ADD1: variants seen among roughly 807,000 people sequenced by gnomAD.
ADD1 encodes adducin 1.
Under a neutral mutation model 80.5 loss-of-function variants are expected in ADD1, and 24 were observed. The observed-to-expected ratio is 0.30, with a 90% CI of 0.22 to 0.42. ADD1 has a LOEUF of 0.42. Ranked by LOEUF, ADD1 falls within the 10% of genes least tolerant of loss-of-function variation. The pLI, the probability that ADD1 is intolerant of heterozygous loss-of-function variation, is 1.00. For missense variants in ADD1, 948 were observed against 1,019.0 expected (o/e 0.93, Z 0.95); for synonymous variants, 373 against 393.8 (o/e 0.95, Z 0.63).
Position 2,881,933 on chromosome 4 carries a change from G to A in ADD1, c.231G>A (p.Glu77=). 2 of 1,608,440 alleles carry A rather than the reference G, an allele frequency of 1.2e-6. No individual in the cohort carries two copies. The highest frequency in any genetic ancestry group is 1.1e-5 in the South Asian group (1 of 89,562). Residue 77 remains glutamate (E), a synonymous_variant, in exon 3 of 16, where the codon GAG becomes GAA. Coordinates refer to ENST00000683351, the MANE Select transcript of ADD1 (RefSeq NM_001354761.2). ...AAGAATTGGAATCAATGATACAGGAGCAATTTAAGAAGGGGAAGAACCCCA... is the reference window on the plus strand; with the variant it reads ...AAGAATTGGAATCAATGATACAGGAACAATTTAAGAAGGGGAAGAACCCCA... The part of the protein sequence containing the change: ...FCEELESMIQ[E]QFKKGKNPTG...
Position 2,928,977 on chromosome 4 carries a change from G to C in ADD1, c.*454G>C, listed in dbSNP as rs1049203556. 2.2e-5 allele frequency: 4 copies of C among 179,170 alleles called. No individual in the cohort carries two copies. Among genetic ancestry groups the C allele is most frequent in the Non-Finnish European group, 2.3e-5 (2 of 87,522 alleles). 11.1% of individuals were successfully genotyped at this position (179,170 alleles called of 1,614,324 possible). ...CTTCATGTGGCATTCTCTCTGCTCA[G>C]TGATCTCACTTAAATCTATATACAA... On this transcript the variant is annotated 3_prime_UTR_variant, in exon 16 of 16. Transcript: ENST00000683351.
chr4:2,891,744 G>T (rs1383676237), intron 4 of ADD1, among the ~76,000 whole-genome samples: 1 of 152,186 alleles, frequency 6.6e-6, no homozygotes, highest in Non-Finnish European at 1.5e-5. Flanking sequence ...GCCAGTTCTT[G>T]GCAGAGCTAG....
At position 2,898,205 on chromosome 4, in the gene ADD1, C is replaced by T. The variant is rs752858644; in HGVS notation, c.763C>T (p.Leu255Phe). 2.5e-6 allele frequency: 4 copies of T among 1,613,818 alleles called. No individual in the cohort carries two copies. The South Asian group carries it at 4.4e-5, about 18-fold the overall frequency. ...GAAVSAMKCG[L>F]LPISPEALSL... ...CTAGGTCTCTGCAATGAAATGTGGC[C>T]TCTTGCCAATCTCCCCGGAGGCGCT... The change falls in exon 7 of 16, where the codon CTC (leucine) becomes TTC (phenylalanine). Residue 255 changes from leucine to phenylalanine, a missense_variant. Transcript: ENST00000683351.
chr4:2,879,205 G>A (rs959108473), intron 2 of ADD1, among the ~76,000 whole-genome samples: 2 of 152,156 alleles, frequency 1.3e-5, no homozygotes, highest in Non-Finnish European at 2.9e-5. Context: ...GGAGCCAAAC[G>A]TTAAGATCCA....
chr4:2,913,951 C>G (rs143955972), intron 13 of ADD1, among the ~76,000 whole-genome samples: 1 of 150,986 alleles, frequency 6.6e-6, no homozygotes, highest in Non-Finnish European at 1.5e-5. Flanking sequence ...CCCAGCTACT[C>G]GGGAGGCTGA....
intron 1 of ADD1, among the ~76,000 whole-genome samples, chr4:2,874,353 T>G (rs1238868969): frequency 6.6e-6 from 1 of 152,218 alleles, no homozygotes; most frequent in African/African-American, 2.4e-5. Flanking sequence ...ACGCCTATAA[T>G]CCCAGCACTT....
chr4:2,905,390 A>T, intron 10 of ADD1: 1 of 451,936 alleles, frequency 2.2e-6, no homozygotes, highest in Non-Finnish European at 3.9e-6. Flanking sequence ...TTAACCTACA[A>T]ATAGGAGCTC....
intron 4 of ADD1, among the ~76,000 whole-genome samples, chr4:2,892,524 T>C (rs1478268961): frequency 6.6e-6 from 1 of 152,136 alleles, no homozygotes; most frequent in Non-Finnish European, 1.5e-5. Context: ...GATGTGGTGT[T>C]GTAGAGACTT....
In ADD1 at chr4:2,928,600, C is replaced by A; in HGVS notation, c.*77C>A. On this transcript the variant is annotated 3_prime_UTR_variant, in exon 16 of 16. Transcript: ENST00000683351. ...TCCCCGGCCACGTCTGTGCTCTGTC[C>A]TTGTGTAATGGAATGCAAAAAAGCC... The A allele has an allele frequency of 6.7e-7, 1 of 1,486,694 alleles. No homozygotes were observed. The highest frequency in any genetic ancestry group is 1.2e-5 in the South Asian group (1 of 81,808). 92.1% of individuals were successfully genotyped at this position (1,486,694 alleles called of 1,614,324 possible).
chr4:2,873,647 T>C lies in ADD1; in HGVS notation c.-20-2249T>C, dbSNP rs542348431. On this transcript the variant is annotated intron_variant, in intron 1 of 15. Transcript: ENST00000683351. ...AATAGCTATAGTTACCTCTAAAATA[T>C]ACCCTCATATCCTTTTTTACCGATG... Among the ~76,000 whole-genome samples the C allele has an allele frequency of 3.9e-5, 6 of 152,344 alleles. No homozygotes were observed. The East Asian group carries it at 9.6e-4, about 24-fold the overall frequency.
At chr4:2,855,569 G>A (rs1164445826) in intron 1 of ADD1, among the ~76,000 whole-genome samples, 2 of 150,952 alleles carry the variant, frequency 1.3e-5, no homozygotes, top group African/African-American at 2.4e-5. Context: ...AGGCATGAAA[G>A]TTCTTTAATT....
At chr4:2,923,103 C>T (rs928055437) in intron 14 of ADD1, among the ~76,000 whole-genome samples, 1 of 152,232 alleles carries the variant, frequency 6.6e-6, no homozygotes, top group South Asian at 2.1e-4. Flanking sequence ...CTGAGCAAGA[C>T]CACTTGGCTC....
intron 2 of ADD1, 129 bp downstream of exon 2, chr4:2,876,239 C>T (rs931135321): frequency 2.1e-4 from 165 of 792,534 alleles, no homozygotes; most frequent in Middle Eastern, 1.7e-3. Context: ...CTTGAGTATA[C>T]GTATATGGTT....
intron 9 of ADD1, chr4:2,901,918 C>T (rs4690064): frequency 2.0e-5 from 3 of 146,886 alleles, no homozygotes; most frequent in African/African-American, 2.5e-5. Context: ...TATATATTTT[C>T]TCTTTCTTTT....
chr4:2,852,487 C>T (rs1244222729), intron 1 of ADD1, among the ~76,000 whole-genome samples: 4 of 150,628 alleles, frequency 2.7e-5, no homozygotes, highest in East Asian at 1.9e-4. Context: ...GCACCACACC[C>T]GGCTGATTTT....
chr4:2,870,527 A>G (rs935147612), intron 1 of ADD1, among the ~76,000 whole-genome samples: 4 of 152,166 alleles, frequency 2.6e-5, no homozygotes. Flanking sequence ...CTTCAATGCC[A>G]TTTAGCAAAC....
rs866287318 is a variant in ADD1 at position 2,911,451 on chromosome 4, T to A, written c.1791+2020T>A. 8.9e-3 allele frequency among the ~76,000 whole-genome samples: 1,296 copies of A among 145,990 alleles called. 16 individuals are homozygous for A. The highest frequency in any genetic ancestry group is 0.025 in the African/African-American group (997 of 39,544). ...AAATACATATATATATATATATATTTTTTTTTTTTTTTTGAGACAGGGTCT... is the reference window on the plus strand; with the variant it reads ...AAATACATATATATATATATATATTATTTTTTTTTTTTTGAGACAGGGTCT... On this transcript the variant is annotated intron_variant, in intron 13 of 15. Coordinates refer to ENST00000683351, the MANE Select transcript of ADD1 (RefSeq NM_001354761.2).
intron 1 of ADD1, among the ~76,000 whole-genome samples, chr4:2,856,781 G>A (rs1728146341): frequency 6.6e-6 from 1 of 151,484 alleles, no homozygotes; most frequent in Admixed American, 6.6e-5. Context: ...AATAGAGATG[G>A]GGTTTCACCA....
At chr4:2,872,226 T>G (rs1440422279) in intron 1 of ADD1, among the ~76,000 whole-genome samples, 2 of 152,250 alleles carry the variant, frequency 1.3e-5, no homozygotes, top group Non-Finnish European at 2.9e-5. Context: ...TTGTCTGTGT[T>G]TATTTGAAAA....
Sources: gnomAD v4.1 joint callset for allele counts (sites outside exome capture counted in the v4.1 genomes callset) on GRCh38, gnomAD v4.1.1 for gene constraint, MANE v1.5 for transcripts, NCBI Gene and HGNC (gene_info 2026-07-23, HGNC 2026-07-21) for gene names.